The following EXOC4 variants were observed in gnomAD, a reference collection of about 807,000 sequenced individuals.
The protein encoded by EXOC4 is SEC8-like 1.
A neutral mutation model predicts 107.2 loss-of-function variants in EXOC4; 71 were observed. The ratio of observed to expected loss-of-function variants is 0.66; its 90% CI spans 0.55 to 0.81. The LOEUF (loss-of-function observed/expected upper bound fraction) is 0.81. Ranked by LOEUF, EXOC4 falls within the 30% of genes least tolerant of loss-of-function variation. The probability of loss-of-function intolerance (pLI) is 0.00; values close to 1 mark genes in which losing one functional copy is unlikely to be tolerated. For missense variants in EXOC4, 1,108 were observed against 1,189.6 expected, an observed-to-expected ratio of 0.93 and a Z score of 1.01; for synonymous variants, 456 against 441.2, an observed-to-expected ratio of 1.03 and a Z score of -0.42.
downstream of EXOC4, among the ~76,000 whole-genome samples, chr7:134,067,625 TTATATATA>T (rs57518105): frequency 0.02 from 2,573 of 130,868 alleles, 86 homozygotes; most frequent in African/African-American, 0.07. Context: ...GACCCAACTC[TTATATATA>T]TATATACACA....
At chr7:133,469,980 TC>T (rs1428182104) in intron 7 of EXOC4, among the ~76,000 whole-genome samples, 1 of 152,228 alleles carries the variant, frequency 6.6e-6, no homozygotes, top group African/African-American at 2.4e-5. Flanking sequence ...GTTGGTTGTC[TC>T]CCTGGTGAAC....
chr7:133,768,924 C>T (rs1038700229), intron 10 of EXOC4, among the ~76,000 whole-genome samples: 3 of 151,904 alleles, frequency 2.0e-5, no homozygotes, highest in African/African-American at 7.2e-5. Flanking sequence ...ACATCAGAGG[C>T]CACGACACTT....
intron 10 of EXOC4, among the ~76,000 whole-genome samples, chr7:133,631,707 T>G (rs2151016349): frequency 6.6e-6 from 1 of 152,214 alleles, no homozygotes; most frequent in South Asian, 2.1e-4. Flanking sequence ...AAGTACTATA[T>G]GTATATAATA....
intron 13 of EXOC4, among the ~76,000 whole-genome samples, chr7:133,936,395 T>C (rs1460080899): frequency 6.6e-6 from 1 of 152,208 alleles, no homozygotes; most frequent in Admixed American, 6.6e-5. Flanking sequence ...CACCTATGTG[T>C]CAATTAAGCA....
intron 1 of EXOC4, among the ~76,000 whole-genome samples, chr7:133,270,821 G>T (rs1793851178): frequency 6.6e-6 from 1 of 151,990 alleles, no homozygotes; most frequent in Admixed American, 6.6e-5. Context: ...ATCTGTTCAG[G>T]TTAAGGGACT....
chr7:133,331,461 CTTTTTTTTT>C (rs58568173), intron 5 of EXOC4, among the ~76,000 whole-genome samples: 1 of 85,602 alleles, frequency 1.2e-5, no homozygotes. Flanking sequence ...TTTCTTTTTT[CTTTTTTTTT>C]TTTTTTTTTT....
At chr7:133,538,552 A>C (rs1800317303) in intron 9 of EXOC4, among the ~76,000 whole-genome samples, 1 of 152,176 alleles carries the variant, frequency 6.6e-6, no homozygotes, top group South Asian at 2.1e-4. Flanking sequence ...GTGGCAGCTC[A>C]TGCCTGTAAT....
At chr7:133,626,996 C>T (rs1213188146) in intron 9 of EXOC4, among the ~76,000 whole-genome samples, 5 of 152,168 alleles carry the variant, frequency 3.3e-5, no homozygotes, top group Admixed American at 3.3e-4. Flanking sequence ...ATTGCTATAA[C>T]ATTTTAGCAA....
chr7:133,817,267 G>A (rs950801888), intron 10 of EXOC4, 58 bp from the exon 11 acceptor site: 36 of 1,235,984 alleles, frequency 2.9e-5, no homozygotes, highest in South Asian at 1.7e-4. Flanking sequence ...TCCTCATGTC[G>A]TATTTATATA....
intron 14 of EXOC4, among the ~76,000 whole-genome samples, chr7:133,981,925 AAAG>A (rs1793990345): frequency 1.3e-5 from 2 of 152,260 alleles, no homozygotes; most frequent in African/African-American, 4.8e-5. Context: ...ATGCAGCCAT[AAAG>A]AAGAACAAGA....
At chr7:133,560,844 G>A (rs546172123) in intron 9 of EXOC4, among the ~76,000 whole-genome samples, 1 of 152,214 alleles carries the variant, frequency 6.6e-6, no homozygotes, top group South Asian at 2.1e-4. Context: ...CTTCCACAGA[G>A]ATTAAATGTT....
At chr7:133,464,322 T>G (rs1798665493) in intron 7 of EXOC4, among the ~76,000 whole-genome samples, 1 of 152,216 alleles carries the variant, frequency 6.6e-6, no homozygotes. Context: ...TTAGAAAGAT[T>G]AAGTAACTTG....
At chr7:133,478,554 T>C (rs188273762) in intron 8 of EXOC4, among the ~76,000 whole-genome samples, 1 of 152,240 alleles carries the variant, frequency 6.6e-6, no homozygotes, top group East Asian at 1.9e-4. Flanking sequence ...TACTGCAAAA[T>C]TATATCAGTC....
At chr7:133,834,568 A>C (rs1797878294) in intron 11 of EXOC4, among the ~76,000 whole-genome samples, 1 of 152,342 alleles carries the variant, frequency 6.6e-6, no homozygotes, top group Middle Eastern at 3.4e-3. Context: ...TTTTTCTAAG[A>C]ATCCTTTGTT....
At chr7:133,538,145 C>T (rs963359957) in intron 9 of EXOC4, among the ~76,000 whole-genome samples, 5 of 152,122 alleles carry the variant, frequency 3.3e-5, no homozygotes, top group African/African-American at 4.8e-5. Flanking sequence ...AAACCCAGGC[C>T]GTTTGAATTC....
chr7:133,755,170 C>T (rs948964770), intron 10 of EXOC4, among the ~76,000 whole-genome samples: 2 of 142,720 alleles, frequency 1.4e-5, no homozygotes, highest in East Asian at 4.0e-4. Flanking sequence ...TATATAAATT[C>T]TTCACACTAT....
At chr7:134,054,099 C>T (rs528887399) in intron 17 of EXOC4, among the ~76,000 whole-genome samples, 3 of 152,174 alleles carry the variant, frequency 2.0e-5, no homozygotes, top group Admixed American at 6.5e-5. Context: ...GTGCGCACTA[C>T]CACGCCCAGC....
intron 10 of EXOC4, among the ~76,000 whole-genome samples, chr7:133,711,350 T>C (rs1287423527): frequency 1.3e-5 from 2 of 152,122 alleles, no homozygotes; most frequent in East Asian, 3.9e-4. Context: ...ATGAGAAAAA[T>C]GGATTTAGTG....
chr7:133,675,802 G>A (rs1424701625), intron 10 of EXOC4, among the ~76,000 whole-genome samples: 1 of 152,124 alleles, frequency 6.6e-6, no homozygotes, highest in Non-Finnish European at 1.5e-5. Flanking sequence ...GGGTGGTTGG[G>A]AATTGTTCCT....
Sources: allele counts gnomAD v4.1 joint callset (sites outside exome capture counted in the v4.1 genomes callset), GRCh38; gene constraint gnomAD v4.1.1; transcripts MANE v1.5; gene names NCBI Gene and HGNC (gene_info 2026-07-23, HGNC 2026-07-21).